The following MAGI1 variants were observed in gnomAD, a reference collection of about 807,000 sequenced individuals.
The protein encoded by MAGI1 is membrane associated guanylate kinase, WW and PDZ domain containing 1.
In MAGI1, 58 loss-of-function variants were observed where a neutral mutation model predicts 139.9. The observed-to-expected ratio is 0.41, with a 90% confidence interval of 0.34 to 0.52. The LOEUF is 0.52. Ranked by LOEUF, MAGI1 falls within the 20% of genes least tolerant of loss-of-function variation. The pLI is 0.12. For synonymous variants in MAGI1, 812 were observed against 737.9 expected, an observed-to-expected ratio of 1.10 and a Z score of -1.63; for missense variants, 1,874 against 1,901.6, an observed-to-expected ratio of 0.99 and a Z score of 0.27.
At chr3:65,850,589 A>T (rs1275537963) in intron 1 of MAGI1, among the ~76,000 whole-genome samples, 2 of 152,226 alleles carry the variant, frequency 1.3e-5, no homozygotes, top group Non-Finnish European at 2.9e-5. Flanking sequence ...CTCTGGATGA[A>T]CTTTTAGAAT....
intron 2 of MAGI1, among the ~76,000 whole-genome samples, chr3:65,578,923 AAGAGAGAGAGAGAGAGAGAGAGACAG>A (rs1196792842): frequency 6.9e-6 from 1 of 145,656 alleles, no homozygotes; most frequent in Admixed American, 6.9e-5. Context: ...TCTGTCTCCA[AAGAGAGAGAGAGAGAGAGAGAGACAG>A]AGAGAGAGAG....
chr3:65,765,862 TACAAAAGTC>T (rs990562455), intron 1 of MAGI1, among the ~76,000 whole-genome samples: 15 of 147,310 alleles, frequency 1.0e-4, no homozygotes, highest in Non-Finnish European at 1.5e-4. Flanking sequence ...ATTCTTCCTA[TACAAAAGTC>T]ACTTTCTGCA....
chr3:66,023,526 C>A (rs187934418), intron 1 of MAGI1, among the ~76,000 whole-genome samples: 1 of 152,108 alleles, frequency 6.6e-6, no homozygotes, highest in Non-Finnish European at 1.5e-5. Flanking sequence ...AAGGGCTACA[C>A]TGGTTTGCAA....
intron 1 of MAGI1, among the ~76,000 whole-genome samples, chr3:65,770,613 A>G (rs1183557975): frequency 3.9e-5 from 6 of 152,224 alleles, no homozygotes; most frequent in Non-Finnish European, 2.9e-5. Context: ...GATGCTTTTA[A>G]TAGGTAATGT....
At chr3:66,014,423 G>A (rs918693067) in intron 1 of MAGI1, among the ~76,000 whole-genome samples, 3 of 152,060 alleles carry the variant, frequency 2.0e-5, no homozygotes, top group African/African-American at 4.8e-5. Context: ...ATCATCATCT[G>A]TTTACATGTC....
At chr3:66,016,156 T>C (rs1560113502) in intron 1 of MAGI1, among the ~76,000 whole-genome samples, 1 of 152,178 alleles carries the variant, frequency 6.6e-6, no homozygotes, top group Non-Finnish European at 1.5e-5. Flanking sequence ...AGTGATCAGA[T>C]TCAAAGGAGG....
At chr3:65,506,154 T>C (rs2077278914) in intron 2 of MAGI1, among the ~76,000 whole-genome samples, 1 of 152,206 alleles carries the variant, frequency 6.6e-6, no homozygotes, top group Non-Finnish European at 1.5e-5. Context: ...ATCTCAGCTC[T>C]GGTATTTGCA....
At chr3:65,776,947 A>G (rs2038493868) in intron 1 of MAGI1, among the ~76,000 whole-genome samples, 1 of 152,166 alleles carries the variant, frequency 6.6e-6, no homozygotes, top group Non-Finnish European at 1.5e-5. Flanking sequence ...TACAGGTTCC[A>G]ACAAGGAACC....
chr3:65,733,199 C>G (rs1387662576), intron 1 of MAGI1, among the ~76,000 whole-genome samples: 2 of 152,130 alleles, frequency 1.3e-5, no homozygotes, highest in Non-Finnish European at 2.9e-5. Flanking sequence ...GCTGGGATCA[C>G]AGGCACCTGC....
chr3:65,877,330 G>A (rs1575809991), intron 1 of MAGI1, among the ~76,000 whole-genome samples: 1 of 152,138 alleles, frequency 6.6e-6, no homozygotes, highest in Non-Finnish European at 1.5e-5. Flanking sequence ...CAACAAACAC[G>A]AAACTGGGAT....
chr3:65,622,754 G>C (rs1188651781), intron 1 of MAGI1, among the ~76,000 whole-genome samples: 4 of 151,988 alleles, frequency 2.6e-5, no homozygotes, highest in Admixed American at 6.6e-5. Flanking sequence ...AGTAAAGACA[G>C]GGCTTCAGAA....
chr3:65,752,315 TA>T (rs756935606), intron 1 of MAGI1, among the ~76,000 whole-genome samples: 1 of 152,182 alleles, frequency 6.6e-6, no homozygotes, highest in Non-Finnish European at 1.5e-5. Flanking sequence ...TGGTGTTAGG[TA>T]AGTAACTTAG....
chr3:65,968,437 G>A (rs958368190), intron 1 of MAGI1, among the ~76,000 whole-genome samples: 6 of 151,998 alleles, frequency 3.9e-5, no homozygotes, highest in Non-Finnish European at 8.8e-5. Context: ...TAAACTCCAA[G>A]TCATTGAAAA....
rs1343132108 is a variant in MAGI1 at position 66,038,234 on chromosome 3, C to G, written c.75G>C (p.Gln25His). 2 of 1,611,730 alleles carry G rather than the reference C, an allele frequency of 1.2e-6. No homozygotes were observed. Among genetic ancestry groups the G allele is most frequent in the South Asian group, 1.1e-5 (1 of 90,954 alleles). ...CCAGCACCGTCACCCCCAGCTCGCC[C>G]TGGGGTCCCCGCTTCACGGTGCATT... ...VHECTVKRGP[Q>H]GELGVTVLGG... is the part of the protein sequence containing the mutation. Residue 25 changes from glutamine to histidine, a missense_variant, in exon 1 of 23, where the codon CAG becomes CAC. Physicochemically the swap from Gln to His is conservative, Grantham distance 24 (BLOSUM62 0). Transcript: ENST00000402939.
At chr3:65,522,903 T>C (rs936579915) in intron 2 of MAGI1, among the ~76,000 whole-genome samples, 1 of 152,136 alleles carries the variant, frequency 6.6e-6, no homozygotes, top group Admixed American at 6.5e-5. Flanking sequence ...AAGACTCCCA[T>C]ATGTTTTTTT....
chr3:65,984,323 A>G (rs964049994), intron 1 of MAGI1, among the ~76,000 whole-genome samples: 4 of 152,078 alleles, frequency 2.6e-5, no homozygotes, highest in Non-Finnish European at 4.4e-5. Context: ...GTTGGGTACT[A>G]GGAATCTGGT....
At chr3:65,639,617 A>G (rs898245905) in intron 1 of MAGI1, among the ~76,000 whole-genome samples, 1 of 152,174 alleles carries the variant, frequency 6.6e-6, no homozygotes, top group Non-Finnish European at 1.5e-5. Flanking sequence ...CGGACTGAGT[A>G]AGCCAGATTG....
Position 65,981,556 on chromosome 3 carries a change from A to T in MAGI1, c.313+56440T>A, listed in dbSNP as rs548423473. ...TTATATGAGAGACTGTATTAGATAT[A>T]TGTGGTTAGTACTTCATATGGTTTG... On this transcript the variant is annotated intron_variant, in intron 1 of 22. Coordinates refer to ENST00000402939, the MANE Select transcript of MAGI1 (RefSeq NM_001033057.2). 3.3e-5 allele frequency among the ~76,000 whole-genome samples: 5 copies of T among 152,312 alleles called. No individual in the cohort carries two copies. The East Asian group carries it at 9.6e-4, about 29-fold the overall frequency.
intron 1 of MAGI1, among the ~76,000 whole-genome samples, chr3:65,650,231 G>A (rs2085505070): frequency 6.6e-6 from 1 of 152,094 alleles, no homozygotes; most frequent in African/African-American, 2.4e-5. Flanking sequence ...TCAGCCTCTG[G>A]AACTATGATA....
Sources: gnomAD v4.1 joint callset for allele counts (sites outside exome capture counted in the v4.1 genomes callset) on GRCh38, gnomAD v4.1.1 for gene constraint, MANE v1.5 for transcripts, NCBI Gene and HGNC (gene_info 2026-07-23, HGNC 2026-07-21) for gene names.